ZNF71: variants seen among roughly 807,000 people sequenced by gnomAD.
ZNF71 encodes zinc finger protein 71.
ZNF71 carries 3 observed loss-of-function variants against 6.7 expected under a neutral mutation model. The ratio of observed to expected loss-of-function variants is 0.45; its 90% CI spans 0.20 to 1.16. ZNF71 has a LOEUF of 1.16. Ranked by LOEUF, ZNF71 falls within the 50% of genes most tolerant of loss-of-function variation. The pLI is 0.25. For synonymous variants in ZNF71, 343 were observed against 311.1 expected, an observed-to-expected ratio of 1.10 and a Z score of -1.08; for missense variants, 688 against 728.6, an observed-to-expected ratio of 0.94 and a Z score of 0.64.
chr19:56,596,763 A>T (rs1330567342), intron 1 of ZNF71, among the ~76,000 whole-genome samples: 1 of 152,226 alleles, frequency 6.6e-6, no homozygotes, highest in Non-Finnish European at 1.5e-5. Flanking sequence ...TACCTCAGGC[A>T]TCCAGGTTCC....
Position 56,613,235 on chromosome 19 carries a change from C to G in ZNF71, c.34-577C>G, listed in dbSNP as rs2044765636. Among the ~76,000 whole-genome samples, 13 of 152,332 alleles carry G rather than the reference C, an allele frequency of 8.5e-5. No individual in the cohort carries two copies. The South Asian group carries it at 2.7e-3, about 32-fold the overall frequency. ...AATCTCCCACTAAAGACCCAACCAC[C>G]AGTTCTCTTCACAGACTACTCAAAG... is the stretch of plus-strand genomic sequence containing the variant. On this transcript the variant is annotated intron_variant, in intron 2 of 3. Transcript: ENST00000599599. The surrounding 1 kb of genome is among the most constrained non-coding windows in gnomAD (Gnocchi z 4.6).
In ZNF71 at chr19:56,607,189, T is replaced by C. The variant is rs143001398; in HGVS notation, c.33+5598T>C. On this transcript the variant is annotated intron_variant, in intron 2 of 3. Transcript: ENST00000599599. ...TTCTGATATATTCTAAATATGTTCA[T>C]TGATGGTTCTTGGAAAGGTACCTGC... Among the ~76,000 whole-genome samples, 7 of 152,322 alleles carry C rather than the reference T, an allele frequency of 4.6e-5. No individual in the cohort carries two copies. The East Asian group carries it at 1.2e-3, about 25-fold the overall frequency.
intron 2 of ZNF71, chr19:56,610,177 C>G: frequency 6.6e-6 from 1 of 152,164 alleles, no homozygotes; most frequent in East Asian, 1.9e-4. Context: ...CATAAGGTAA[C>G]TCTGTGTTTA....
At chr19:56,609,775 A>G (rs114794963) in intron 2 of ZNF71, among the ~76,000 whole-genome samples, 86 of 131,976 alleles carry the variant, frequency 6.5e-4, no homozygotes, top group African/African-American at 3.2e-3. Context: ...GAGGCATACG[A>G]TATGGATTTT....
chr19:56,611,203 G>A (rs1190587005), intron 2 of ZNF71, among the ~76,000 whole-genome samples: 2 of 152,332 alleles, frequency 1.3e-5, no homozygotes, highest in Non-Finnish European at 1.5e-5. Context: ...CAGGGCTGGA[G>A]CAGAGCACAA....
At position 56,621,695 on chromosome 19, in the gene ZNF71, C is replaced by A; in HGVS notation, c.588C>A (p.Gly196=). The change falls in exon 4 of 4, where the codon GGC becomes GGA. Residue 196 remains glycine (G), a synonymous_variant. Transcript: ENST00000599599. ...EKKTYDCSEC[G]KAFSRSSSLI... is the part of the protein sequence containing the mutation. ...AAACCTACGACTGCAGCGAGTGTGG[C>A]AAGGCCTTTAGCCGAAGCTCGTCCC... The A allele has an allele frequency of 6.2e-7, 1 of 1,614,130 alleles. No homozygotes were observed. The highest frequency in any genetic ancestry group is 8.5e-7 in the Non-Finnish European group (1 of 1,180,038).
In ZNF71 at chr19:56,600,270, T is replaced by A. The variant is rs2044660900; in HGVS notation, c.-52-1237T>A. ...CGGACTGCAGTGGCGCAATCTCGGCTCACTGCAAGCTCCGCTTCCCGGGTT... is the reference window on the plus strand; with the variant it reads ...CGGACTGCAGTGGCGCAATCTCGGCACACTGCAAGCTCCGCTTCCCGGGTT... On this transcript the variant is annotated intron_variant, in intron 1 of 3. Coordinates refer to ENST00000599599, the MANE Select transcript of ZNF71 (RefSeq NM_001370215.1). Among the ~76,000 whole-genome samples the A allele has an allele frequency of 7.3e-5, 4 of 54,854 alleles. 2 individuals are homozygous for A. Among genetic ancestry groups the A allele is most frequent in the Non-Finnish European group, 1.3e-4 (4 of 29,746 alleles). 36.0% of individuals were successfully genotyped at this position (54,854 alleles called of 152,430 possible).
intron 2 of ZNF71, among the ~76,000 whole-genome samples, chr19:56,609,512 C>T (rs539272930): frequency 7.8e-4 from 119 of 152,068 alleles, no homozygotes; most frequent in Non-Finnish European, 1.4e-3. Context: ...TTGCCTATTC[C>T]GGACATTGTA....
chr19:56,621,385 C>CT lies in ZNF71; in HGVS notation c.279dup (p.Gly94TrpfsTer44). On this transcript the variant is annotated frameshift_variant, in exon 4 of 4. Transcript: ENST00000599599. LOFTEE classifies it low-confidence loss of function (END_TRUNC). ...CCCACGAGGAATGGTGCCAGGGGTC[C>CT]TGGCTCAGAAGGAGTGTGGGAACCA... The CT allele has an allele frequency of 6.2e-7, 1 of 1,606,660 alleles. No homozygotes were observed. Among genetic ancestry groups the CT allele is most frequent in the East Asian group, 2.2e-5 (1 of 44,762 alleles).
chr19:56,611,693 A>G (rs1048446483), intron 2 of ZNF71, among the ~76,000 whole-genome samples: 1 of 152,248 alleles, frequency 6.6e-6, no homozygotes, highest in Non-Finnish European at 1.5e-5. Context: ...CTGAATCAAT[A>G]TGTGCCAGCA....
chr19:56,609,946 T>C (rs905958146), intron 2 of ZNF71: 1 of 152,236 alleles, frequency 6.6e-6, no homozygotes, highest in African/African-American at 2.4e-5. Context: ...CATCTTTCAC[T>C]TGGTGTCATG....
chr19:56,607,299 C>G (rs1009336594), intron 2 of ZNF71, among the ~76,000 whole-genome samples: 1 of 152,190 alleles, frequency 6.6e-6, no homozygotes, highest in East Asian at 1.9e-4. Flanking sequence ...GTTGTATGCT[C>G]ATTTTGGGCA....
chr19:56,610,373 T>C (rs1313011159), intron 2 of ZNF71: 5 of 152,238 alleles, frequency 3.3e-5, no homozygotes, highest in Non-Finnish European at 7.3e-5. Context: ...CTAGACACAC[T>C]GTTCTGGGCA....
Position 56,622,308 on chromosome 19 carries a change from C to T in ZNF71, c.1201C>T (p.Leu401Phe), listed in dbSNP as rs1490040857. The change falls in exon 4 of 4, where the codon CTC becomes TTC. Residue 401 changes from leucine (L) to phenylalanine (F), a missense_variant. Coordinates refer to ENST00000599599, the MANE Select transcript of ZNF71 (RefSeq NM_001370215.1). ...CAAGGCCTTCAGCCAGAGCTCCTACCTCATCCAGCACCAGCGCTTCCACAT... is the reference window on the plus strand; with the variant it reads ...CAAGGCCTTCAGCCAGAGCTCCTACTTCATCCAGCACCAGCGCTTCCACAT... Reference protein sequence around the residue: ...CGKAFSQSSYLIQHQRFHIGV... With the variant: ...CGKAFSQSSYFIQHQRFHIGV... 4 of 1,612,656 alleles carry T rather than the reference C, an allele frequency of 2.5e-6. No individual in the cohort carries two copies. Among genetic ancestry groups the T allele is most frequent in the Non-Finnish European group, 1.7e-6 (2 of 1,179,154 alleles).
At chr19:56,612,645 G>A (rs1421617548) in intron 2 of ZNF71, among the ~76,000 whole-genome samples, 2 of 152,078 alleles carry the variant, frequency 1.3e-5, no homozygotes, top group South Asian at 2.1e-4. Context: ...TGGCAGGGGG[G>A]TGAGGGGTGA....
intron 1 of ZNF71, among the ~76,000 whole-genome samples, chr19:56,596,793 A>G (rs2044628867): frequency 6.6e-6 from 1 of 152,168 alleles, no homozygotes; most frequent in African/African-American, 2.4e-5. Context: ...ACAATTAACC[A>G]CCAGACAAAT....
chr19:56,615,503 C>T (rs1202236138), intron 3 of ZNF71, among the ~76,000 whole-genome samples: 1 of 148,986 alleles, frequency 6.7e-6, no homozygotes, highest in Non-Finnish European at 1.5e-5. Context: ...TTTTCCTGCG[C>T]TTATTTGATG....
chr19:56,616,488 T>A (rs1376586669), intron 3 of ZNF71, among the ~76,000 whole-genome samples: 1 of 152,166 alleles, frequency 6.6e-6, no homozygotes, highest in Non-Finnish European at 1.5e-5. Context: ...TCATTCTGGG[T>A]TTTCTGCCCA....
intron 1 of ZNF71, among the ~76,000 whole-genome samples, chr19:56,597,634 G>C (rs2044635850): frequency 6.6e-6 from 1 of 152,256 alleles, no homozygotes; most frequent in African/African-American, 2.4e-5. Context: ...AACTAACTCT[G>C]CTTCGCAGAG....
Sources: gnomAD v4.1 joint callset for allele counts (sites outside exome capture counted in the v4.1 genomes callset) on GRCh38, gnomAD v4.1.1 for gene constraint, Gnocchi (gnomAD v3.1) non-coding constraint, MANE v1.5 for transcripts, NCBI Gene and HGNC (gene_info 2026-07-23, HGNC 2026-07-21) for gene names.